DMXL1: variants seen among roughly 807,000 people sequenced by gnomAD.
The protein encoded by DMXL1 is dmX-like protein 1.
DMXL1 carries 99 observed loss-of-function variants against 319.2 expected under a neutral mutation model. The observed-to-expected ratio is 0.31, with a 90% CI of 0.26 to 0.37. The LOEUF (loss-of-function observed/expected upper bound fraction) is 0.37. Among genes scored for constraint, DMXL1 ranks in the 10% least tolerant of loss-of-function variants. DMXL1 has a pLI of 1.00. For synonymous variants in DMXL1, 1,385 were observed against 1,235.2 expected (o/e 1.12, Z -2.54); for missense variants, 3,745 against 3,595.6 (o/e 1.04, Z -1.06).
At chr5:119,203,559 T>C (rs1561867593) in intron 33 of DMXL1, 123 bp downstream of exon 33, 1 of 471,162 alleles carries the variant, frequency 2.1e-6, no homozygotes, top group Non-Finnish European at 3.8e-6. Flanking sequence ...ACATAGGCAA[T>C]TAATGCTTAG....
At chr5:119,211,075 T>C in intron 34 of DMXL1, among the ~76,000 whole-genome samples, 2 of 151,702 alleles carry the variant, frequency 1.3e-5, no homozygotes, top group East Asian at 3.9e-4. Context: ...AGGTTAAGGA[T>C]TTTTTTAAAA....
At chr5:119,181,108 A>G (rs1776696521) in intron 28 of DMXL1, among the ~76,000 whole-genome samples, 1 of 152,214 alleles carries the variant, frequency 6.6e-6, no homozygotes, top group African/African-American at 2.4e-5. Flanking sequence ...CACCAATCTT[A>G]TTAACCACTC....
chr5:119,178,285 T>C (rs762306669), intron 28 of DMXL1, 41 bp downstream of exon 28: 1 of 1,583,410 alleles, frequency 6.3e-7, no homozygotes. Flanking sequence ...GCTTTATTTA[T>C]CTGAGTGATA....
intron 1 of DMXL1, among the ~76,000 whole-genome samples, chr5:119,089,776 G>A (rs1024767926): frequency 7.9e-5 from 12 of 151,018 alleles, no homozygotes; most frequent in African/African-American, 1.9e-4. Context: ...ACAGGCATAC[G>A]CCACCATACC....
chr5:119,144,448 T>C (rs1561709221), intron 14 of DMXL1, 88 bp from the exon 15 acceptor site: 3 of 947,340 alleles, frequency 3.2e-6, no homozygotes, highest in Non-Finnish European at 4.9e-6. Context: ...CCTTTAAATA[T>C]CTCATTATGA....
chr5:119,139,093 A>C (rs1301163780), intron 13 of DMXL1: 2 of 152,202 alleles, frequency 1.3e-5, no homozygotes, highest in African/African-American at 2.4e-5. Context: ...AGATAAACCA[A>C]TGTTGAGGGA....
chr5:119,219,614 G>T (rs1327815702), intron 35 of DMXL1, among the ~76,000 whole-genome samples: 1 of 151,522 alleles, frequency 6.6e-6, no homozygotes, highest in African/African-American at 2.4e-5. Context: ...CATGCCTGGT[G>T]CCCAGTGCTG....
chr5:119,187,224 A>G (rs993520737), intron 28 of DMXL1, among the ~76,000 whole-genome samples: 36 of 152,162 alleles, frequency 2.4e-4, no homozygotes, highest in Middle Eastern at 3.2e-3. Context: ...CATAAATTCT[A>G]TATTCAAGTT....
chr5:119,140,790 A>G (rs534915721), intron 13 of DMXL1, among the ~76,000 whole-genome samples: 35 of 152,270 alleles, frequency 2.3e-4, no homozygotes, highest in African/African-American at 8.4e-4. Context: ...AAAACCTGGC[A>G]GACACACACA....
intron 3 of DMXL1, among the ~76,000 whole-genome samples, chr5:119,103,103 A>G (rs888694671): frequency 6.6e-6 from 1 of 152,036 alleles, no homozygotes; most frequent in Admixed American, 6.5e-5. Context: ...TTTTAAAAAA[A>G]AAGAAAGAGC....
intron 33 of DMXL1, among the ~76,000 whole-genome samples, chr5:119,205,769 A>C (rs1781635534): frequency 6.6e-6 from 1 of 152,080 alleles, no homozygotes; most frequent in Admixed American, 6.5e-5. Context: ...TAGAATATAG[A>C]GTTTGTGTGA....
At chr5:119,163,284 T>C (rs1772665210) in intron 19 of DMXL1, among the ~76,000 whole-genome samples, 1 of 152,222 alleles carries the variant, frequency 6.6e-6, no homozygotes, top group African/African-American at 2.4e-5. Flanking sequence ...ACGTAACTTA[T>C]CCAAAGATTA....
At chr5:119,191,445 T>C (rs1483783610) in intron 29 of DMXL1, among the ~76,000 whole-genome samples, 1 of 152,232 alleles carries the variant, frequency 6.6e-6, no homozygotes, top group Admixed American at 6.5e-5. Flanking sequence ...CTGCCCTTTT[T>C]TGAGTCATTT....
chr5:119,177,112 T>C (rs528014037), intron 26 of DMXL1, among the ~76,000 whole-genome samples: 46 of 152,266 alleles, frequency 3.0e-4, no homozygotes, highest in African/African-American at 9.6e-4. Flanking sequence ...TTGTGGTACA[T>C]AGCGATTTAG....
At chr5:119,116,428 C>G (rs927309159) in intron 7 of DMXL1, 92 bp downstream of exon 7, 9 of 1,344,050 alleles carry the variant, frequency 6.7e-6, no homozygotes, top group Admixed American at 4.2e-5. Context: ...TCCATAGTTA[C>G]AGGACTTCTG....
intron 1 of DMXL1, among the ~76,000 whole-genome samples, chr5:119,073,561 A>C (rs572744517): frequency 1.3e-5 from 2 of 152,228 alleles, no homozygotes; most frequent in Non-Finnish European, 2.9e-5. Context: ...CTGTACCATC[A>C]TGTAGCTTGT....
Position 119,184,059 on chromosome 5 carries a change from C to CTTTTTTTTTTTTTTTTTT in DMXL1, c.7136-5637_7136-5636insTTTTTTTTTTTTTTTTTT, listed in dbSNP as rs1404022848. Among the ~76,000 whole-genome samples the CTTTTTTTTTTTTTTTTTT allele has an allele frequency of 3.6e-5, 5 of 140,412 alleles. 1 individual carries two copies. The highest frequency in any genetic ancestry group is 1.4e-4 in the African/African-American group (5 of 36,332). The allele number at this position is 140,412 out of a possible 152,430, so 92.1% of individuals were successfully genotyped here. A position where few individuals can be genotyped will look rare whatever the true frequency, so the allele number is the denominator to read the frequency against. On this transcript the variant is annotated intron_variant, in intron 28 of 43. Transcript: ENST00000539542. ...ACTCCCTCATTCAATGTTTTCTTCT[C>CTTTTTTTTTTTTTTTTTT]TTTTTTTTTTTTGAGACAGGGTCTT...
chr5:119,105,102 A>C (rs903203178), intron 3 of DMXL1, 78 bp from the exon 4 acceptor site: 1 of 922,004 alleles, frequency 1.1e-6, no homozygotes, highest in African/African-American at 1.6e-5. Context: ...TATTGTAAGA[A>C]TAACAAGCAT....
At chr5:119,110,822 G>A (rs918941884) in intron 5 of DMXL1, among the ~76,000 whole-genome samples, 1 of 152,136 alleles carries the variant, frequency 6.6e-6, no homozygotes, top group African/African-American at 2.4e-5. Flanking sequence ...AGACAGATTA[G>A]GATCCAGGAT....
Sources: gnomAD v4.1 joint callset for allele counts (sites outside exome capture counted in the v4.1 genomes callset) on GRCh38, gnomAD v4.1.1 for gene constraint, MANE v1.5 for transcripts, NCBI Gene and HGNC (gene_info 2026-07-23, HGNC 2026-07-21) for gene names.